FGF12: variants seen among roughly 807,000 people sequenced by gnomAD.
The protein encoded by FGF12 is fibroblast growth factor 12B.
Under a neutral mutation model 23.6 loss-of-function variants are expected in FGF12, and 14 were observed. The observed-to-expected ratio is 0.59, with a 90% confidence interval of 0.39 to 0.93. FGF12 has a LOEUF of 0.93. Ranked by LOEUF, FGF12 falls within the 40% of genes least tolerant of loss-of-function variation. The probability of loss-of-function intolerance (pLI) is 0.00; values close to 1 mark genes in which losing one functional copy is unlikely to be tolerated. For synonymous variants in FGF12, 62 were observed against 77.3 expected (o/e 0.80, Z 1.04); for missense variants, 175 against 217.8 (o/e 0.80, Z 1.24).
intron 2 of FGF12, among the ~76,000 whole-genome samples, chr3:192,711,426 C>CA (rs780093473): frequency 1.5e-3 from 219 of 150,548 alleles, no homozygotes; most frequent in Admixed American, 2.6e-3. Flanking sequence ...TCTGCCCGGC[C>CA]GCCACCCCGT....
At chr3:192,518,616 T>C (rs1724737560) in intron 2 of FGF12, among the ~76,000 whole-genome samples, 1 of 152,196 alleles carries the variant, frequency 6.6e-6, no homozygotes, top group South Asian at 2.1e-4. Context: ...GCAAAATGTC[T>C]GTTGAATTGA....
In FGF12 at chr3:192,299,744, G is replaced by A. The variant is rs73066527; in HGVS notation, c.228+35617C>T. 3.0e-3 allele frequency among the ~76,000 whole-genome samples: 461 copies of A among 152,200 alleles called. 3 individuals carry two copies. The highest frequency in any genetic ancestry group is 0.011 in the African/African-American group (438 of 41,520). ...TGAGTTTACAATTTGAAGGGAGGAC[G>A]AGTGACTCCAGACTATGAGGAGAAC... On this transcript the variant is annotated intron_variant, in intron 4 of 5. Coordinates refer to ENST00000445105, the MANE Select transcript of FGF12 (RefSeq NM_004113.6).
intron 2 of FGF12, among the ~76,000 whole-genome samples, chr3:192,493,210 CT>C (rs1395782952): frequency 1.3e-5 from 2 of 152,076 alleles, no homozygotes; most frequent in African/African-American, 4.8e-5. Flanking sequence ...TAGCAGATTT[CT>C]TCCTTGAACC....
At chr3:192,722,567 C>A (rs1719072737) in intron 2 of FGF12, among the ~76,000 whole-genome samples, 5 of 152,130 alleles carry the variant, frequency 3.3e-5, no homozygotes. Flanking sequence ...TCAAATTACT[C>A]CCTTCCATGT....
intron 2 of FGF12, among the ~76,000 whole-genome samples, chr3:192,375,625 A>C (rs549355016): frequency 6.6e-6 from 1 of 152,136 alleles, no homozygotes; most frequent in African/African-American, 2.4e-5. Flanking sequence ...ATAGATTTAC[A>C]AACATGTTTA....
At chr3:192,451,829 C>T (rs1297496761) in intron 2 of FGF12, among the ~76,000 whole-genome samples, 1 of 152,142 alleles carries the variant, frequency 6.6e-6, no homozygotes. Context: ...CCGCTACTGA[C>T]GGAACCTGGG....
At chr3:192,465,722 A>T (rs2108810527) in intron 2 of FGF12, among the ~76,000 whole-genome samples, 1 of 152,222 alleles carries the variant, frequency 6.6e-6, no homozygotes, top group South Asian at 2.1e-4. Context: ...CCCCACTCCC[A>T]AGTCAGGTAA....
intron 4 of FGF12, among the ~76,000 whole-genome samples, chr3:192,179,291 C>T (rs1347294340): frequency 6.6e-6 from 1 of 152,160 alleles, no homozygotes; most frequent in African/African-American, 2.4e-5. Flanking sequence ...TGGAAAACTA[C>T]TGAGCTGATT....
intron 2 of FGF12, among the ~76,000 whole-genome samples, chr3:192,630,587 C>G (rs919116293): frequency 1.4e-5 from 2 of 145,844 alleles, no homozygotes; most frequent in Non-Finnish European, 3.0e-5. Context: ...GAGTCTTGCT[C>G]TGTCGCCCAG....
rs9840746 is a variant in FGF12, at chr3:192,296,302, C to T, written c.228+39059G>A. On this transcript the variant is annotated intron_variant, in intron 4 of 5. Coordinates refer to ENST00000445105, the MANE Select transcript of FGF12 (RefSeq NM_004113.6). Reference sequence around the variant, plus strand: ...GCAGTGGCACAATCATGGCTCACTGCAGCCTTGACCTCCCAGGCTCAAGTG... The same window carrying T: ...GCAGTGGCACAATCATGGCTCACTGTAGCCTTGACCTCCCAGGCTCAAGTG... 9.0e-3 allele frequency among the ~76,000 whole-genome samples: 1,366 copies of T among 151,646 alleles called. 19 individuals are homozygous for T. The highest frequency in any genetic ancestry group is 0.032 in the African/African-American group (1,303 of 41,318).
chr3:192,289,041 A>C (rs943322062), intron 4 of FGF12, among the ~76,000 whole-genome samples: 1 of 152,120 alleles, frequency 6.6e-6, no homozygotes, highest in Non-Finnish European at 1.5e-5. Flanking sequence ...ATCACCAAGA[A>C]ATCTTTCCAG....
At chr3:192,705,817 T>C (rs950784938) in intron 2 of FGF12, among the ~76,000 whole-genome samples, 3 of 152,332 alleles carry the variant, frequency 2.0e-5, no homozygotes, top group East Asian at 3.9e-4. Context: ...GAGGCATCCC[T>C]GTATAATTTT....
intron 4 of FGF12, among the ~76,000 whole-genome samples, chr3:192,205,246 C>A (rs935217246): frequency 4.6e-5 from 7 of 152,160 alleles, no homozygotes; most frequent in African/African-American, 1.7e-4. Flanking sequence ...AATATTCAAC[C>A]TTATCCACCC....
At chr3:192,570,204 T>G (rs1183407041) in intron 2 of FGF12, among the ~76,000 whole-genome samples, 1 of 152,202 alleles carries the variant, frequency 6.6e-6, no homozygotes, top group Non-Finnish European at 1.5e-5. Context: ...TCAGGCTAGC[T>G]GTGTTTGTTT....
rs556785940 is a variant in FGF12, at chr3:192,583,707, C to T, written c.13+143474G>A. Among the ~76,000 whole-genome samples the T allele has an allele frequency of 4.3e-4, 65 of 152,306 alleles. 1 individual carries two copies. The highest frequency in any genetic ancestry group is 1.5e-3 in the African/African-American group (63 of 41,568). On this transcript the variant is annotated intron_variant, in intron 2 of 5. Coordinates refer to ENST00000445105, the MANE Select transcript of FGF12 (RefSeq NM_004113.6). ...GACCTGTTTCCTTGGTGCTTCCACA[C>T]TCAGACAGGTGTCTAGGAGAGGCAT...
intron 4 of FGF12, among the ~76,000 whole-genome samples, chr3:192,304,156 C>T (rs1715492631): frequency 1.3e-5 from 2 of 152,076 alleles, no homozygotes; most frequent in Non-Finnish European, 2.9e-5. Context: ...TTTATTCCTA[C>T]TAAATGACCC....
At chr3:192,288,847 A>G (rs1714604993) in intron 4 of FGF12, among the ~76,000 whole-genome samples, 1 of 152,138 alleles carries the variant, frequency 6.6e-6, no homozygotes, top group South Asian at 2.1e-4. Context: ...TGCACTCAAG[A>G]TATAAACACT....
intron 4 of FGF12, chr3:192,238,428 G>A (rs1171262332): frequency 6.6e-6 from 1 of 152,342 alleles, no homozygotes; most frequent in East Asian, 1.9e-4. Context: ...GGTACGTGCT[G>A]GCAGGGGAGG....
Position 192,317,379 on chromosome 3 carries a change from G to A in FGF12, c.228+17982C>T, listed in dbSNP as rs117530423. 6.7e-3 allele frequency among the ~76,000 whole-genome samples: 1,024 copies of A among 151,922 alleles called. 9 individuals are homozygous for A. Among genetic ancestry groups the A allele is most frequent in the East Asian group, 0.043 (218 of 5,122 alleles). On this transcript the variant is annotated intron_variant, in intron 4 of 5. Coordinates refer to ENST00000445105, the MANE Select transcript of FGF12 (RefSeq NM_004113.6). ...TCCTAAAGAGCGAGACCCAGCCCTG[G>A]CAACGTTCACCACAAGCTGACTGAG...
Sources: allele counts gnomAD v4.1 joint callset (sites outside exome capture counted in the v4.1 genomes callset), GRCh38; gene constraint gnomAD v4.1.1; transcripts MANE v1.5; gene names NCBI Gene and HGNC (gene_info 2026-07-23, HGNC 2026-07-21).